Variants in RABGAP1L observed in about 807,000 individuals in gnomAD.
RABGAP1L encodes the protein rab GTPase-activating protein 1-like.
Under a neutral mutation model 137.7 loss-of-function variants are expected in RABGAP1L, and 63 were observed. The observed-to-expected ratio is 0.46, with a 90% CI of 0.37 to 0.56. The LOEUF (loss-of-function observed/expected upper bound fraction) is 0.56, where lower values mean the gene tolerates loss of function less well. Among genes scored for constraint, RABGAP1L ranks in the 20% least tolerant of loss-of-function variants. The pLI is 0.00. For missense variants in RABGAP1L, 1,095 were observed against 1,244.0 expected (o/e 0.88, Z 1.80); for synonymous variants, 431 against 433.7 (o/e 0.99, Z 0.08).
intron 12 of RABGAP1L, among the ~76,000 whole-genome samples, chr1:174,389,990 G>A (rs10489257): frequency 0.063 from 9,547 of 152,140 alleles, 977 homozygotes; most frequent in African/African-American, 0.21. Flanking sequence ...CAAAGCAATG[G>A]CAATGTGTAA....
At chr1:174,202,699 C>T (rs570123482) in intron 1 of RABGAP1L, among the ~76,000 whole-genome samples, 20 of 152,144 alleles carry the variant, frequency 1.3e-4, no homozygotes, top group African/African-American at 3.6e-4. Context: ...CCATTGCTTT[C>T]TGTGTTTTAG....
chr1:174,862,574 G>A (rs1480735612), intron 19 of RABGAP1L, among the ~76,000 whole-genome samples: 5 of 152,096 alleles, frequency 3.3e-5, no homozygotes, highest in Admixed American at 6.5e-5. Flanking sequence ...AGTAGAAAAC[G>A]AAATGCATAA....
chr1:174,909,830 C>A (rs1337906458), intron 19 of RABGAP1L, among the ~76,000 whole-genome samples: 1 of 152,072 alleles, frequency 6.6e-6, no homozygotes, highest in Non-Finnish European at 1.5e-5. Flanking sequence ...TAGAAAACTT[C>A]AACAAACCAA....
chr1:174,531,845 T>C (rs74126822), intron 13 of RABGAP1L, among the ~76,000 whole-genome samples: 5,283 of 151,954 alleles, frequency 0.035, 121 homozygotes, highest in Middle Eastern at 0.088. Flanking sequence ...GAGAAAAATA[T>C]AGGTTTTGCT....
chr1:174,170,464 T>G (rs1665266702), intron 1 of RABGAP1L, among the ~76,000 whole-genome samples: 1 of 151,818 alleles, frequency 6.6e-6, no homozygotes, highest in Non-Finnish European at 1.5e-5. Context: ...GATCACGAGG[T>G]CAGGAGATTG....
At chr1:174,764,556 A>G (rs1216812853) in intron 18 of RABGAP1L, among the ~76,000 whole-genome samples, 4 of 152,162 alleles carry the variant, frequency 2.6e-5, no homozygotes, top group African/African-American at 4.8e-5. Flanking sequence ...CCTGTGGATA[A>G]GGTTTCCTAG....
At chr1:174,711,322 C>T (rs932926019) in intron 17 of RABGAP1L, among the ~76,000 whole-genome samples, 12 of 152,156 alleles carry the variant, frequency 7.9e-5, no homozygotes, top group African/African-American at 2.2e-4. Flanking sequence ...CCTCAAGTGC[C>T]GCCAAAGTGG....
intron 19 of RABGAP1L, among the ~76,000 whole-genome samples, chr1:174,882,798 A>G (rs6693979): frequency 0.35 from 53,817 of 152,130 alleles, 12,030 homozygotes; most frequent in African/African-American, 0.64. Context: ...AACCTAAACA[A>G]AAGCCTAGTC....
At chr1:174,712,231 G>T (rs769894514) in intron 17 of RABGAP1L, among the ~76,000 whole-genome samples, 2 of 152,132 alleles carry the variant, frequency 1.3e-5, no homozygotes, top group African/African-American at 4.8e-5. Context: ...CAGGCTGCCC[G>T]AGCAGTCACC....
intron 17 of RABGAP1L, among the ~76,000 whole-genome samples, chr1:174,741,780 G>A (rs1003101022): frequency 7.0e-6 from 1 of 142,226 alleles, no homozygotes; most frequent in African/African-American, 2.8e-5. Context: ...ACCATGTTGT[G>A]GCATTTTTAA....
At chr1:174,624,439 T>C (rs750299160) in intron 13 of RABGAP1L, among the ~76,000 whole-genome samples, 5 of 152,244 alleles carry the variant, frequency 3.3e-5, no homozygotes, top group Non-Finnish European at 7.3e-5. Flanking sequence ...TAATGGACTA[T>C]GCCCTGTGTT....
At chr1:174,494,379 T>C (rs1402236492) in intron 13 of RABGAP1L, among the ~76,000 whole-genome samples, 1 of 152,234 alleles carries the variant, frequency 6.6e-6, no homozygotes, top group East Asian at 1.9e-4. Context: ...TCTATTCATC[T>C]CATCCTCCGT....
chr1:174,771,453 T>A (rs183209091), intron 18 of RABGAP1L, among the ~76,000 whole-genome samples: 1 of 152,304 alleles, frequency 6.6e-6, no homozygotes, highest in East Asian at 1.9e-4. Context: ...CTTGGCTAAA[T>A]TTATCTTTGC....
chr1:174,612,563 G>C (rs1671363969), intron 13 of RABGAP1L, among the ~76,000 whole-genome samples: 1 of 152,074 alleles, frequency 6.6e-6, no homozygotes, highest in African/African-American at 2.4e-5. Flanking sequence ...GGATGATGCT[G>C]GCCTCATAAA....
At chr1:174,882,829 G>C (rs1054283855) in intron 19 of RABGAP1L, among the ~76,000 whole-genome samples, 5 of 151,592 alleles carry the variant, frequency 3.3e-5, no homozygotes, top group Non-Finnish European at 7.4e-5. Context: ...GAACATAAGA[G>C]CTTTTTTTTT....
At chr1:174,541,602 C>A (rs191698152) in intron 13 of RABGAP1L, among the ~76,000 whole-genome samples, 1 of 152,094 alleles carries the variant, frequency 6.6e-6, no homozygotes, top group African/African-American at 2.4e-5. Context: ...CAGTGAAACT[C>A]TGTATCTACT....
chr1:174,791,146 G>A (rs1391912732), intron 18 of RABGAP1L, among the ~76,000 whole-genome samples: 1 of 150,724 alleles, frequency 6.6e-6, no homozygotes, highest in Non-Finnish European at 1.5e-5. Flanking sequence ...AGCCAAGATC[G>A]TGCCATTGCA....
At chr1:174,211,677 A>G (rs12059636) in intron 1 of RABGAP1L, among the ~76,000 whole-genome samples, 7,166 of 152,184 alleles carry the variant, frequency 0.047, 563 homozygotes, top group African/African-American at 0.16. Flanking sequence ...GAAAGGATAC[A>G]GAGTAGTGGC....
intron 15 of RABGAP1L, among the ~76,000 whole-genome samples, chr1:174,683,988 G>C (rs1487893803): frequency 6.6e-6 from 1 of 152,064 alleles, no homozygotes; most frequent in African/African-American, 2.4e-5. Context: ...ACCTTCATTT[G>C]ACAGATCATT....
Sources: allele counts gnomAD v4.1 joint callset (sites outside exome capture counted in the v4.1 genomes callset), GRCh38; gene constraint gnomAD v4.1.1; transcripts MANE v1.5; gene names NCBI Gene and HGNC (gene_info 2026-07-23, HGNC 2026-07-21).